Variants in BCKDHB observed in about 807,000 individuals in gnomAD.
BCKDHB encodes the protein branched chain keto acid dehydrogenase E1 subunit beta, also known as 2-oxoisovalerate dehydrogenase subunit beta, mitochondrial.
BCKDHB carries 41 observed loss-of-function variants against 48.5 expected under a neutral mutation model. The observed-to-expected ratio is 0.85, with a 90% confidence interval of 0.66 to 1.10. BCKDHB has a LOEUF of 1.10. Among genes scored for constraint, BCKDHB ranks in the 50% least tolerant of loss-of-function variants. The pLI, the probability that BCKDHB is intolerant of heterozygous loss-of-function variation, is 0.00. For missense variants in BCKDHB, 496 were observed against 494.2 expected, an observed-to-expected ratio of 1.00 and a Z score of -0.03; for synonymous variants, 201 against 174.8, an observed-to-expected ratio of 1.15 and a Z score of -1.18.
At position 80,141,272 on chromosome 6, in the gene BCKDHB, T is replaced by G. The variant is rs1771196546; in HGVS notation, c.343+12043T>G. Reference sequence around the variant, plus strand: ...AAAACCAGCTCCTGGATTCATTAATTAAAAACCCTTCAAAAATAAGGAATT... The same window carrying G: ...AAAACCAGCTCCTGGATTCATTAATGAAAAACCCTTCAAAAATAAGGAATT... On this transcript the variant is annotated intron_variant, in intron 3 of 9. Transcript: ENST00000320393. 1.3e-5 allele frequency among the ~76,000 whole-genome samples: 2 copies of G among 152,154 alleles called. 1 individual carries two copies. The highest frequency in any genetic ancestry group is 1.3e-4 in the Admixed American group (2 of 15,258).
At chr6:80,324,420 G>A (rs1295718565) in intron 9 of BCKDHB, among the ~76,000 whole-genome samples, 3 of 152,074 alleles carry the variant, frequency 2.0e-5, no homozygotes, top group Admixed American at 6.5e-5. Context: ...GAAGAAATCA[G>A]GACAGGAGAT....
chr6:80,176,999 A>T (rs1773186766), intron 6 of BCKDHB, among the ~76,000 whole-genome samples: 1 of 152,074 alleles, frequency 6.6e-6, no homozygotes, highest in African/African-American at 2.4e-5. Flanking sequence ...CTGAGGTGGG[A>T]GGATCGCTTG....
chr6:80,234,730 T>A (rs1776075162), intron 8 of BCKDHB, among the ~76,000 whole-genome samples: 1 of 152,146 alleles, frequency 6.6e-6, no homozygotes, highest in Admixed American at 6.5e-5. Context: ...AAGAGATATC[T>A]CTGCTCCCAT....
At chr6:80,457,822 T>C in the BCKDHB span, among the ~76,000 whole-genome samples, 2 of 152,158 alleles carry the variant, frequency 1.3e-5, no homozygotes, top group Non-Finnish European at 2.9e-5. Flanking sequence ...AAAGTGCCAG[T>C]GGCCAGGAAA....
chr6:80,455,369 G>T, the BCKDHB span, among the ~76,000 whole-genome samples: 2 of 151,360 alleles, frequency 1.3e-5, no homozygotes, highest in Admixed American at 1.3e-4. Context: ...TTTCCTGTTG[G>T]TCCTGAATCT....
intron 6 of BCKDHB, among the ~76,000 whole-genome samples, chr6:80,185,035 G>T (rs1773578805): frequency 6.6e-6 from 1 of 152,112 alleles, no homozygotes; most frequent in African/African-American, 2.4e-5. Flanking sequence ...TAAGTTTTCT[G>T]AACTTTCAGA....
intron 9 of BCKDHB, among the ~76,000 whole-genome samples, chr6:80,291,418 T>C (rs920205447): frequency 6.6e-6 from 1 of 152,212 alleles, no homozygotes; most frequent in Non-Finnish European, 1.5e-5. Context: ...GGAATATTAA[T>C]AAGTATTTAA....
chr6:80,395,045 G>C, the BCKDHB span, among the ~76,000 whole-genome samples: 1 of 152,162 alleles, frequency 6.6e-6, no homozygotes, highest in African/African-American at 2.4e-5. Context: ...CAGCCATGTG[G>C]AACTGTGAAT....
chr6:80,451,499 A>G, the BCKDHB span, among the ~76,000 whole-genome samples: 1 of 152,110 alleles, frequency 6.6e-6, no homozygotes, highest in Admixed American at 6.5e-5. Flanking sequence ...GTACTTTGGG[A>G]GGCCTAGGCG....
At chr6:80,451,355 C>A in the BCKDHB span, among the ~76,000 whole-genome samples, 2 of 152,100 alleles carry the variant, frequency 1.3e-5, no homozygotes, top group Non-Finnish European at 2.9e-5. Flanking sequence ...AGAAGCCAAG[C>A]CAAGCATTCA....
At chr6:80,217,261 A>G (rs1775216130) in intron 8 of BCKDHB, among the ~76,000 whole-genome samples, 1 of 152,060 alleles carries the variant, frequency 6.6e-6, no homozygotes, top group Non-Finnish European at 1.5e-5. Flanking sequence ...AAAGAAAAAA[A>G]CAAAACAAAA....
At chr6:80,202,452 CTG>C (rs1738255957) in intron 7 of BCKDHB, among the ~76,000 whole-genome samples, 1 of 152,096 alleles carries the variant, frequency 6.6e-6, no homozygotes, top group African/African-American at 2.4e-5. Flanking sequence ...TTTCTAGTGT[CTG>C]TATTTAATTT....
chr6:80,127,676 A>C, intron 2 of BCKDHB, 52 bp downstream of exon 2: 1 of 1,469,166 alleles, frequency 6.8e-7, no homozygotes. Flanking sequence ...TCCAGAATTG[A>C]AGATTTGCTT....
the BCKDHB span, among the ~76,000 whole-genome samples, chr6:80,393,781 T>G: frequency 6.6e-6 from 1 of 152,218 alleles, no homozygotes; most frequent in Non-Finnish European, 1.5e-5. Context: ...TCCTGAGATT[T>G]CATTTATTTC....
chr6:80,376,252 C>T, the BCKDHB span, among the ~76,000 whole-genome samples: 4 of 152,018 alleles, frequency 2.6e-5, no homozygotes, highest in Admixed American at 2.6e-4. Context: ...TCATGGTTGC[C>T]TCTACTTCAT....
chr6:80,295,121 T>C (rs915205092), intron 9 of BCKDHB, among the ~76,000 whole-genome samples: 8 of 152,220 alleles, frequency 5.3e-5, no homozygotes, highest in Non-Finnish European at 1.0e-4. Flanking sequence ...ACTGTCTCTC[T>C]TTATTTCTCA....
intron 9 of BCKDHB, among the ~76,000 whole-genome samples, chr6:80,292,644 A>G (rs1283273385): frequency 1.3e-5 from 2 of 151,938 alleles, no homozygotes; most frequent in African/African-American, 4.8e-5. Flanking sequence ...TTCAAAACCA[A>G]TCATCCCTTC....
chr6:80,448,741 A>G, the BCKDHB span, among the ~76,000 whole-genome samples: 1 of 152,180 alleles, frequency 6.6e-6, no homozygotes, highest in Non-Finnish European at 1.5e-5. Context: ...CACCTATCAC[A>G]TCTGTCTGTG....
intron 9 of BCKDHB, among the ~76,000 whole-genome samples, chr6:80,274,858 G>A (rs1008643493): frequency 1.3e-5 from 2 of 151,754 alleles, no homozygotes; most frequent in African/African-American, 2.4e-5. Context: ...AATAATATGT[G>A]GTCTTATGTT....
Sources: allele counts gnomAD v4.1 joint callset (sites outside exome capture counted in the v4.1 genomes callset), GRCh38; gene constraint gnomAD v4.1.1; transcripts MANE v1.5; gene names NCBI Gene and HGNC (gene_info 2026-07-23, HGNC 2026-07-21).